Variants in SLIT3 observed in about 807,000 individuals in gnomAD.
The protein encoded by SLIT3 is slit guidance ligand 3, also known as slit homolog 3 protein.
In SLIT3, 68 loss-of-function variants were observed where a neutral mutation model predicts 184.0. The ratio of observed to expected loss-of-function variants is 0.37; its 90% confidence interval spans 0.30 to 0.45. The LOEUF is 0.45. SLIT3 is among the 20% of genes least tolerant of loss of function. The pLI is 1.00. For synonymous variants in SLIT3, 831 were observed against 828.6 expected, an observed-to-expected ratio of 1.00 and a Z score of -0.05; for missense variants, 1,707 against 2,026.0, an observed-to-expected ratio of 0.84 and a Z score of 3.02.
intron 20 of SLIT3, among the ~76,000 whole-genome samples, chr5:168,726,375 G>GCA (rs1478253007): frequency 1.2e-5 from 1 of 81,190 alleles, no homozygotes; most frequent in African/African-American, 4.1e-5. Context: ...AGGCAGGGAG[G>GCA]GAGAGGGAGG....
In SLIT3 at chr5:169,231,462, A is replaced by G. The variant is rs142054910; in HGVS notation, c.341+13243T>C. Among the ~76,000 whole-genome samples the G allele has an allele frequency of 4.0e-3, 612 of 152,296 alleles. 2 individuals carry two copies. Among genetic ancestry groups the G allele is most frequent in the Middle Eastern group, 6.8e-3 (2 of 294 alleles). ...TTACACAAATGGAATCAGGTAATAT[A>G]TATTCTTTTATGTCCGGTTTTTGTC... On this transcript the variant is annotated intron_variant, in intron 3 of 35. Transcript: ENST00000519560.
chr5:168,920,443 C>G (rs1218957661), intron 4 of SLIT3, among the ~76,000 whole-genome samples: 1 of 152,086 alleles, frequency 6.6e-6, no homozygotes, highest in Non-Finnish European at 1.5e-5. Flanking sequence ...TTGCTGAGAG[C>G]AGGGGCAACA....
intron 4 of SLIT3, among the ~76,000 whole-genome samples, chr5:169,062,264 C>A (rs1758196871): frequency 6.6e-6 from 1 of 152,174 alleles, no homozygotes; most frequent in Admixed American, 6.5e-5. Context: ...ATTTGACAGG[C>A]ATTCACCACT....
chr5:168,942,749 C>T (rs1490032083), intron 4 of SLIT3, among the ~76,000 whole-genome samples: 1 of 64,870 alleles, frequency 1.5e-5, no homozygotes, highest in East Asian at 4.8e-4. Flanking sequence ...TTTTGCCTTT[C>T]AGGGCCTCTG....
At chr5:169,185,001 A>C (rs752979521) in intron 4 of SLIT3, among the ~76,000 whole-genome samples, 7 of 152,212 alleles carry the variant, frequency 4.6e-5, no homozygotes, top group Non-Finnish European at 7.3e-5. Flanking sequence ...GCAAGTCCGC[A>C]GGCTTCTATG....
rs115110552 is a variant in SLIT3, at chr5:168,708,678, G to A, written c.2720-578C>T. The A allele has an allele frequency of 7.8e-3, 1,217 of 156,550 alleles. 23 individuals are homozygous for A. Among genetic ancestry groups the A allele is most frequent in the African/African-American group, 0.027 (1,143 of 41,606 alleles). 9.7% of individuals were successfully genotyped at this position (156,550 alleles called of 1,614,324 possible). On this transcript the variant is annotated intron_variant, in intron 25 of 35. Transcript: ENST00000519560. ...TGTTACGTCTGTGACCGTTTCAGCCGTGTGCTTGCTTTAGCTGCGAGCACT... is the reference window on the plus strand; with the variant it reads ...TGTTACGTCTGTGACCGTTTCAGCCATGTGCTTGCTTTAGCTGCGAGCACT...
intron 6 of SLIT3, among the ~76,000 whole-genome samples, chr5:168,841,827 G>C (rs1031981713): frequency 6.6e-6 from 1 of 152,234 alleles, no homozygotes; most frequent in African/African-American, 2.4e-5. Context: ...ATGTGTCTTT[G>C]CTTGATTTCT....
At chr5:169,180,016 A>G (rs1419476489) in intron 4 of SLIT3, among the ~76,000 whole-genome samples, 1 of 152,226 alleles carries the variant, frequency 6.6e-6, no homozygotes, top group African/African-American at 2.4e-5. Context: ...ATGAGCAAAA[A>G]GAATTTCAGG....
At chr5:168,756,831 T>A (rs976647778) in intron 16 of SLIT3, among the ~76,000 whole-genome samples, 4 of 152,186 alleles carry the variant, frequency 2.6e-5, no homozygotes, top group African/African-American at 9.7e-5. Context: ...GCAATGCAGA[T>A]GAGTTAAAGC....
intron 26 of SLIT3, among the ~76,000 whole-genome samples, chr5:168,702,263 C>G (rs1310049010): frequency 6.6e-6 from 1 of 152,186 alleles, no homozygotes; most frequent in Non-Finnish European, 1.5e-5. Context: ...TATTCATGAT[C>G]GCATATCATG....
intron 4 of SLIT3, among the ~76,000 whole-genome samples, chr5:168,973,845 TA>T (rs1040959593): frequency 6.6e-6 from 1 of 152,190 alleles, no homozygotes; most frequent in Non-Finnish European, 1.5e-5. Context: ...TCTTAAATAT[TA>T]GCTAATTTCA....
chr5:168,975,127 A>C (rs1222223470), intron 4 of SLIT3, among the ~76,000 whole-genome samples: 1 of 152,124 alleles, frequency 6.6e-6, no homozygotes, highest in African/African-American at 2.4e-5. Context: ...GACTTCCTGG[A>C]CATGGTGCCT....
At chr5:168,998,962 G>A (rs1755608928) in intron 4 of SLIT3, among the ~76,000 whole-genome samples, 1 of 151,764 alleles carries the variant, frequency 6.6e-6, no homozygotes, top group Non-Finnish European at 1.5e-5. Context: ...TGCCCAGGCT[G>A]GAGTGCAGTG....
chr5:169,068,211 T>C (rs2113116678), intron 4 of SLIT3, among the ~76,000 whole-genome samples: 1 of 151,878 alleles, frequency 6.6e-6, no homozygotes, highest in African/African-American at 2.4e-5. Flanking sequence ...AGAAGACAGA[T>C]GAGGGAAGAA....
chr5:168,807,565 G>A (rs1272943453), intron 8 of SLIT3, among the ~76,000 whole-genome samples: 2 of 152,076 alleles, frequency 1.3e-5, no homozygotes, highest in Non-Finnish European at 1.5e-5. Context: ...ACTGCTGCTG[G>A]ATCCAGCTAA....
chr5:169,076,030 T>C (rs186410099), intron 4 of SLIT3, among the ~76,000 whole-genome samples: 70 of 152,308 alleles, frequency 4.6e-4, no homozygotes, highest in Non-Finnish European at 8.8e-4. Flanking sequence ...TTAAGGGAAG[T>C]TTCCTTAACA....
At position 168,890,102 on chromosome 5, in the gene SLIT3, C is replaced by T. The variant is rs866607115; in HGVS notation, c.414-6766G>A. On this transcript the variant is annotated intron_variant, in intron 4 of 35. Transcript: ENST00000519560. ...TTGCAGTGAGCCAAGATCACACCAC[C>T]GCACCCCAGCCTGGGTGACAAGCGA... 4.1e-4 allele frequency among the ~76,000 whole-genome samples: 60 copies of T among 147,692 alleles called. 1 individual carries two copies. Among genetic ancestry groups the T allele is most frequent in the African/African-American group, 1.3e-3 (52 of 39,804 alleles).
At chr5:168,963,770 A>G (rs1048194295) in intron 4 of SLIT3, among the ~76,000 whole-genome samples, 1 of 152,234 alleles carries the variant, frequency 6.6e-6, no homozygotes, top group East Asian at 1.9e-4. Context: ...ATCAATGACC[A>G]AGAGGCTGAC....
chr5:168,778,648 C>T (rs10866630), intron 12 of SLIT3, among the ~76,000 whole-genome samples: 38,675 of 152,196 alleles, frequency 0.25, 5,211 homozygotes, highest in East Asian at 0.42. Flanking sequence ...GATCACTGAC[C>T]GAATGCCGAC....
Sources: allele counts gnomAD v4.1 joint callset (sites outside exome capture counted in the v4.1 genomes callset), GRCh38; gene constraint gnomAD v4.1.1; transcripts MANE v1.5; gene names NCBI Gene and HGNC (gene_info 2026-07-23, HGNC 2026-07-21).